ARL8B: variants seen among roughly 807,000 people sequenced by gnomAD.
The protein encoded by ARL8B is ARF like GTPase 8B.
In ARL8B, 9 loss-of-function variants were observed where a neutral mutation model predicts 30.6. The observed-to-expected ratio is 0.29, with a 90% CI of 0.18 to 0.51. ARL8B has a LOEUF of 0.51. Ranked by LOEUF, ARL8B falls within the 20% of genes least tolerant of loss-of-function variation. The probability of loss-of-function intolerance (pLI) is 0.97; values close to 1 mark genes in which losing one functional copy is unlikely to be tolerated. For missense variants in ARL8B, 130 were observed against 227.2 expected, an observed-to-expected ratio of 0.57 and a Z score of 2.75; for synonymous variants, 74 against 76.0, an observed-to-expected ratio of 0.97 and a Z score of 0.14.
chr3:5,141,687 A>C (rs1265380020), intron 1 of ARL8B, among the ~76,000 whole-genome samples: 1 of 152,182 alleles, frequency 6.6e-6, no homozygotes, highest in East Asian at 1.9e-4. Context: ...TGATGGTCCC[A>C]TCTGGGGCAG....
intron 1 of ARL8B, among the ~76,000 whole-genome samples, chr3:5,145,112 A>G (rs949215213): frequency 6.6e-6 from 1 of 151,918 alleles, no homozygotes; most frequent in African/African-American, 2.4e-5. Flanking sequence ...ACTTGGGACA[A>G]CCCATCCACA....
chr3:5,174,975 G>C (rs760006900), intron 6 of ARL8B, among the ~76,000 whole-genome samples: 2 of 151,428 alleles, frequency 1.3e-5, no homozygotes, highest in African/African-American at 2.4e-5. Context: ...GCTAATTTTT[G>C]TATTTTCAGT....
rs940178319 is a variant in ARL8B at position 5,174,287 on chromosome 3, G to A, written c.441-57G>A. On this transcript the variant is annotated intron_variant, in intron 5 of 6. Transcript: ENST00000256496. ...AAACTAATGAGTAAAATTGAACAAA[G>A]TGATAAGTATGACAGCTGTTCTAAG... 6.4e-6 allele frequency: 8 copies of A among 1,250,118 alleles called. No homozygotes were observed. In the South Asian group the frequency reaches 8.6e-5, roughly 13 times the overall value. 77.4% of individuals were successfully genotyped at this position (1,250,118 alleles called of 1,614,324 possible).
intron 1 of ARL8B, among the ~76,000 whole-genome samples, chr3:5,159,630 AAAAG>A (rs1559283199): frequency 6.6e-6 from 1 of 151,508 alleles, no homozygotes; most frequent in South Asian, 2.1e-4. Flanking sequence ...AAAAAAGAGA[AAAAG>A]AAAAAAGACT....
chr3:5,166,107 T>G (rs1293097692), intron 1 of ARL8B, among the ~76,000 whole-genome samples: 2 of 151,624 alleles, frequency 1.3e-5, no homozygotes, highest in Non-Finnish European at 2.9e-5. Context: ...TGGCGTGATC[T>G]TGGCTCGCTG....
Position 5,156,366 on chromosome 3 carries a change from C to CT in ARL8B, c.124-14136dup, listed in dbSNP as rs1195494264. ...ATGTTGTAACCCTGGAAATCAGACTCTCCCCCTTCCCCAGAGTTTACTGCC... is the reference window on the plus strand; with the variant it reads ...ATGTTGTAACCCTGGAAATCAGACTCTTCCCCCTTCCCCAGAGTTTACTGCC... On this transcript the variant is annotated intron_variant, in intron 1 of 6. Coordinates refer to ENST00000256496, the MANE Select transcript of ARL8B (RefSeq NM_018184.3). Among the ~76,000 whole-genome samples, 8 of 149,344 alleles carry CT rather than the reference C, an allele frequency of 5.4e-5. No homozygotes were observed. In the East Asian group the frequency reaches 5.9e-4, roughly 11 times the overall value.
rs1199499493 is a variant in ARL8B at position 5,140,244 on chromosome 3, G to A, written c.123+17656G>A. Among the ~76,000 whole-genome samples the A allele has an allele frequency of 5.3e-5, 8 of 152,132 alleles. No homozygotes were observed. In the East Asian group the frequency reaches 9.6e-4, roughly 18 times the overall value. ...GTAGCTCCCATAATTCCCACATGTT[G>A]TGGGAGGGACCCGGTGGGAGATAAC... On this transcript the variant is annotated intron_variant, in intron 1 of 6. Coordinates refer to ENST00000256496, the MANE Select transcript of ARL8B (RefSeq NM_018184.3).
intron 1 of ARL8B, among the ~76,000 whole-genome samples, chr3:5,170,010 CA>C (rs2054657427): frequency 6.6e-6 from 1 of 151,972 alleles, no homozygotes; most frequent in Admixed American, 6.6e-5. Flanking sequence ...GATAAGTAAC[CA>C]AAAAGAGAAC....
chr3:5,138,661 C>T (rs2054347354), intron 1 of ARL8B, among the ~76,000 whole-genome samples: 1 of 152,174 alleles, frequency 6.6e-6, no homozygotes, highest in African/African-American at 2.4e-5. Flanking sequence ...GCTTACTGCA[C>T]CTGCCACACT....
At chr3:5,133,673 C>G (rs890721566) in intron 1 of ARL8B, among the ~76,000 whole-genome samples, 3 of 152,066 alleles carry the variant, frequency 2.0e-5, no homozygotes, top group African/African-American at 4.8e-5. Context: ...TGCCAGTAAC[C>G]CCAGCACTTT....
At chr3:5,154,838 G>A (rs571050101) in intron 1 of ARL8B, among the ~76,000 whole-genome samples, 3 of 152,196 alleles carry the variant, frequency 2.0e-5, no homozygotes, top group East Asian at 3.8e-4. Flanking sequence ...AGCCTTCTGA[G>A]TAGCTGGGAT....
intron 1 of ARL8B, among the ~76,000 whole-genome samples, chr3:5,146,775 T>C (rs2054422291): frequency 6.6e-6 from 1 of 152,196 alleles, no homozygotes; most frequent in Non-Finnish European, 1.5e-5. Context: ...ATTAACATTT[T>C]CTTGAATATT....
intron 4 of ARL8B, among the ~76,000 whole-genome samples, chr3:5,173,100 C>T (rs1461730700): frequency 6.6e-6 from 1 of 151,968 alleles, no homozygotes; most frequent in Non-Finnish European, 1.5e-5. Flanking sequence ...AAGAAAGGTG[C>T]AAGGGGATAT....
intron 1 of ARL8B, among the ~76,000 whole-genome samples, chr3:5,139,606 A>G (rs1192296893): frequency 1.3e-5 from 2 of 152,306 alleles, no homozygotes; most frequent in African/African-American, 4.8e-5. Flanking sequence ...ACATTTGTTT[A>G]GTTGCAGACC....
intron 1 of ARL8B, among the ~76,000 whole-genome samples, chr3:5,127,904 G>C (rs925112537): frequency 6.7e-5 from 8 of 118,968 alleles, no homozygotes; most frequent in Non-Finnish European, 1.2e-4. Context: ...AAAAAAAAGC[G>C]GAGGGCCAGG....
chr3:5,135,723 C>T (rs1461997743), intron 1 of ARL8B, among the ~76,000 whole-genome samples: 3 of 150,898 alleles, frequency 2.0e-5, no homozygotes, highest in Non-Finnish European at 2.9e-5. Flanking sequence ...TCCTAAAGTG[C>T]TAGGATTACA....
chr3:5,168,538 G>T (rs1389860163), intron 1 of ARL8B, among the ~76,000 whole-genome samples: 4 of 152,220 alleles, frequency 2.6e-5, no homozygotes, highest in African/African-American at 9.6e-5. Context: ...GTAAAGAAAA[G>T]AGATAAATGA....
intron 1 of ARL8B, among the ~76,000 whole-genome samples, chr3:5,125,815 G>A (rs1055769926): frequency 2.0e-5 from 3 of 152,138 alleles, no homozygotes; most frequent in South Asian, 2.1e-4. Flanking sequence ...TTACAGGCGT[G>A]AGCCACTGTG....
At chr3:5,128,984 G>C (rs953622469) in intron 1 of ARL8B, among the ~76,000 whole-genome samples, 21 of 150,352 alleles carry the variant, frequency 1.4e-4, no homozygotes, top group African/African-American at 5.0e-4. Context: ...TAACATATTT[G>C]GTAATTCCCT....
Sources: allele counts gnomAD v4.1 joint callset (sites outside exome capture counted in the v4.1 genomes callset), GRCh38; gene constraint gnomAD v4.1.1; transcripts MANE v1.5; gene names NCBI Gene and HGNC (gene_info 2026-07-23, HGNC 2026-07-21).